The following SPAG16 variants were observed in gnomAD, a reference collection of about 807,000 sequenced individuals.
SPAG16 encodes the protein sperm-associated antigen 16 protein.
A neutral mutation model predicts 80.4 loss-of-function variants in SPAG16; 86 were observed. The ratio of observed to expected loss-of-function variants is 1.07; its 90% CI spans 0.90 to 1.28. The LOEUF is 1.28. Ranked by LOEUF, SPAG16 falls within the 50% of genes most tolerant of loss-of-function variation. SPAG16 has a pLI of 0.00. For missense variants in SPAG16, 870 were observed against 765.3 expected (o/e 1.14, Z -1.61); for synonymous variants, 294 against 265.9 (o/e 1.11, Z -1.03).
chr2:213,702,701 G>A (rs1377796579), intron 10 of SPAG16, among the ~76,000 whole-genome samples: 1 of 152,130 alleles, frequency 6.6e-6, no homozygotes, highest in African/African-American at 2.4e-5. Flanking sequence ...ACCTCAAAAT[G>A]TTCCAGTACA....
chr2:213,588,393 C>T (rs1019030705), intron 10 of SPAG16, among the ~76,000 whole-genome samples: 2 of 151,170 alleles, frequency 1.3e-5, no homozygotes, highest in African/African-American at 4.9e-5. Flanking sequence ...TGACAAAGAC[C>T]GTTAGAAAGC....
At chr2:213,410,467 G>A (rs1053847364) in intron 9 of SPAG16, among the ~76,000 whole-genome samples, 3 of 152,154 alleles carry the variant, frequency 2.0e-5, no homozygotes, top group African/African-American at 7.2e-5. Flanking sequence ...TGTCAACCAG[G>A]AGTCTTGCCC....
intron 10 of SPAG16, among the ~76,000 whole-genome samples, chr2:213,710,189 C>T (rs1422652522): frequency 2.0e-5 from 3 of 151,696 alleles, no homozygotes; most frequent in Non-Finnish European, 4.4e-5. Context: ...GAGGCTGAGG[C>T]AGGAGAATCA....
At position 214,255,964 on chromosome 2, in the gene SPAG16, G is replaced by A. The variant is rs186481694; in HGVS notation, c.1720+106698G>A. Among the ~76,000 whole-genome samples, 131 of 151,878 alleles carry A rather than the reference G, an allele frequency of 8.6e-4. 1 individual carries two copies. The highest frequency in any genetic ancestry group is 7.0e-3 in the Admixed American group (106 of 15,208). On this transcript the variant is annotated intron_variant, in intron 15 of 15. Transcript: ENST00000331683. ...TCTCATGAAAGTGTTTTCATTTCTC[G>A]TGAGTAAACACTGAGAAATGTAAAG...
chr2:213,745,608 A>T (rs1470623140), intron 10 of SPAG16, among the ~76,000 whole-genome samples: 1 of 152,208 alleles, frequency 6.6e-6, no homozygotes, highest in African/African-American at 2.4e-5. Context: ...TCATACTTTT[A>T]AGAAAAATAG....
intron 12 of SPAG16, among the ~76,000 whole-genome samples, chr2:213,988,297 T>C (rs772674108): frequency 6.6e-6 from 1 of 152,070 alleles, no homozygotes; most frequent in Non-Finnish European, 1.5e-5. Context: ...CAGTAGAATA[T>C]ACTTTCTTCT....
chr2:213,332,037 G>GA (rs1382839515), intron 5 of SPAG16, among the ~76,000 whole-genome samples: 6 of 151,944 alleles, frequency 3.9e-5, no homozygotes, highest in East Asian at 1.9e-4. Flanking sequence ...AAATAAAAAG[G>GA]AACAGAATAG....
intron 9 of SPAG16, among the ~76,000 whole-genome samples, chr2:213,400,104 A>G (rs1309829436): frequency 6.6e-6 from 1 of 151,982 alleles, no homozygotes; most frequent in Non-Finnish European, 1.5e-5. Context: ...TAAAGATCCA[A>G]GCTTTGGATT....
chr2:213,659,282 C>T (rs1465059186), intron 10 of SPAG16, among the ~76,000 whole-genome samples: 1 of 150,902 alleles, frequency 6.6e-6, no homozygotes, highest in African/African-American at 2.4e-5. Flanking sequence ...AGTGCTTCCT[C>T]TACCAGTATT....
intron 10 of SPAG16, among the ~76,000 whole-genome samples, chr2:213,693,324 C>G (rs1012299466): frequency 6.6e-6 from 1 of 152,166 alleles, no homozygotes; most frequent in African/African-American, 2.4e-5. Context: ...ACAAATAGAA[C>G]ATGAACATAG....
At chr2:214,324,235 A>G (rs1413075334) in intron 15 of SPAG16, among the ~76,000 whole-genome samples, 1 of 152,140 alleles carries the variant, frequency 6.6e-6, no homozygotes, top group Non-Finnish European at 1.5e-5. Flanking sequence ...ATTTTCTAGG[A>G]CCTCCTCACC....
intron 10 of SPAG16, among the ~76,000 whole-genome samples, chr2:213,608,281 G>A (rs1179389367): frequency 1.3e-5 from 2 of 151,928 alleles, no homozygotes; most frequent in African/African-American, 2.4e-5. Context: ...CCATTAACTC[G>A]TCATTTAGCA....
intron 9 of SPAG16, among the ~76,000 whole-genome samples, chr2:213,400,144 G>T (rs1431540541): frequency 6.6e-6 from 1 of 151,492 alleles, no homozygotes; most frequent in African/African-American, 2.4e-5. Flanking sequence ...CTTTTTTCTT[G>T]TATAACTTTG....
intron 9 of SPAG16, among the ~76,000 whole-genome samples, chr2:213,379,523 C>A (rs910310048): frequency 6.6e-6 from 1 of 152,148 alleles, no homozygotes; most frequent in African/African-American, 2.4e-5. Flanking sequence ...CTGTGTGGAA[C>A]AACATGATGG....
intron 13 of SPAG16, among the ~76,000 whole-genome samples, chr2:214,051,120 T>C (rs2049620176): frequency 6.6e-6 from 1 of 152,226 alleles, no homozygotes; most frequent in Non-Finnish European, 1.5e-5. Context: ...CTAAGAATAT[T>C]TCTGGCAATT....
intron 10 of SPAG16, among the ~76,000 whole-genome samples, chr2:213,642,678 G>A (rs373158632): frequency 1.6e-5 from 1 of 61,834 alleles, no homozygotes; most frequent in South Asian, 4.1e-4. Context: ...AAAATTAGCC[G>A]GGCGTAGTGG....
intron 13 of SPAG16, among the ~76,000 whole-genome samples, chr2:214,020,326 G>C (rs1200864684): frequency 1.3e-5 from 2 of 152,030 alleles, no homozygotes; most frequent in Non-Finnish European, 2.9e-5. Context: ...AATTACTACT[G>C]TGCTGGTATT....
chr2:213,378,453 A>G (rs1376631406), intron 9 of SPAG16, among the ~76,000 whole-genome samples: 1 of 152,214 alleles, frequency 6.6e-6, no homozygotes, highest in Non-Finnish European at 1.5e-5. Flanking sequence ...CCTTCGTACA[A>G]CCAGAAATGC....
intron 15 of SPAG16, among the ~76,000 whole-genome samples, chr2:214,341,611 G>A (rs916516039): frequency 6.6e-6 from 1 of 151,872 alleles, no homozygotes; most frequent in Non-Finnish European, 1.5e-5. Context: ...GATTCTGGAT[G>A]AAAAAAAATG....
Sources: allele counts gnomAD v4.1 joint callset (sites outside exome capture counted in the v4.1 genomes callset), GRCh38; gene constraint gnomAD v4.1.1; transcripts MANE v1.5; gene names NCBI Gene and HGNC (gene_info 2026-07-23, HGNC 2026-07-21).